The following NAA25 variants were observed in gnomAD, a reference collection of about 807,000 sequenced individuals.
The protein encoded by NAA25 is N-terminal acetyltransferase B complex subunit NAA25.
Under a neutral mutation model 132.5 loss-of-function variants are expected in NAA25, and 30 were observed. The ratio of observed to expected loss-of-function variants is 0.23; its 90% CI spans 0.17 to 0.31. The LOEUF is 0.31. NAA25 is among the 10% of genes least tolerant of loss of function. The pLI is 1.00. For synonymous variants in NAA25, 359 were observed against 401.9 expected, an observed-to-expected ratio of 0.89 and a Z score of 1.28; for missense variants, 771 against 1,150.4, an observed-to-expected ratio of 0.67 and a Z score of 4.77.
In NAA25 at chr12:112,029,219, C is replaced by T. The variant is rs2078118701; in HGVS notation, c.*312G>A. 4.1e-5 allele frequency: 12 copies of T among 292,598 alleles called. No individual in the cohort carries two copies. Among genetic ancestry groups the T allele is most frequent in the Middle Eastern group, 1.1e-3 (1 of 910 alleles). The allele number at this position is 292,598 out of a possible 1,614,324, so 18.1% of individuals were successfully genotyped here. The stretch of plus-strand genomic sequence containing the variant: ...TAATTTCTATTGCTGTTTTTATAGA[C>T]CCCCCGCTCCCCTGAAAAGATGTTT... On this transcript the variant is annotated 3_prime_UTR_variant, in exon 24 of 24. Transcript: ENST00000261745.
intron 3 of NAA25, among the ~76,000 whole-genome samples, chr12:112,088,453 A>G (rs1221896291): frequency 6.6e-6 from 1 of 150,592 alleles, no homozygotes; most frequent in African/African-American, 2.4e-5. Flanking sequence ...CAGCCTCCCA[A>G]GTAGCTGTTC....
intron 13 of NAA25, among the ~76,000 whole-genome samples, chr12:112,055,833 G>C (rs1404832977): frequency 6.6e-6 from 1 of 152,164 alleles, no homozygotes; most frequent in Non-Finnish European, 1.5e-5. Context: ...TTTACAGTCA[G>C]TAACAACAGC....
In NAA25 at chr12:112,090,880, G is replaced by A; in HGVS notation, c.145-16C>T. 6.3e-7 allele frequency: 1 copy of A among 1,581,058 alleles called. No individual in the cohort carries two copies. Among genetic ancestry groups the A allele is most frequent in the Admixed American group, 2.0e-5 (1 of 50,456 alleles). ...CCTTTAAAACCTGATAGCAACAAAA[G>A]AAAAATCAGTTTTTAAAAAGACAGA... On this transcript the variant is annotated splice_polypyrimidine_tract_variant and intron_variant, in intron 2 of 23. Coordinates refer to ENST00000261745, the MANE Select transcript of NAA25 (RefSeq NM_024953.4).
At chr12:112,071,646 T>C (rs1419643542) in intron 10 of NAA25, among the ~76,000 whole-genome samples, 1 of 152,154 alleles carries the variant, frequency 6.6e-6, no homozygotes, top group Non-Finnish European at 1.5e-5. Context: ...TTGACTTTAT[T>C]GTTGGGTCAG....
intron 11 of NAA25, among the ~76,000 whole-genome samples, chr12:112,063,597 G>A (rs1292072909): frequency 6.6e-6 from 1 of 152,202 alleles, no homozygotes; most frequent in Non-Finnish European, 1.5e-5. Flanking sequence ...GGAATGGAAA[G>A]CATTTCTTAC....
chr12:112,027,455 T>G lies in NAA25; in HGVS notation c.*2076A>C. On this transcript the variant is annotated 3_prime_UTR_variant, in exon 24 of 24. Transcript: ENST00000261745. Reference sequence around the variant, plus strand: ...CTCAAAATGTGAAAGCTGGATCTAATTGAAATGCTACATTTAGTAGGAAAA... The same window carrying G: ...CTCAAAATGTGAAAGCTGGATCTAAGTGAAATGCTACATTTAGTAGGAAAA... 6.5e-6 allele frequency: 1 copy of G among 152,718 alleles called. No individual in the cohort carries two copies. 9.5% of individuals were successfully genotyped at this position (152,718 alleles called of 1,614,324 possible).
At chr12:112,066,262 A>G (rs2078716787) in intron 11 of NAA25, among the ~76,000 whole-genome samples, 2 of 152,174 alleles carry the variant, frequency 1.3e-5, no homozygotes, top group Admixed American at 1.3e-4. Context: ...TGATGCTTCA[A>G]CTAGCAAGAC....
chr12:112,075,387 C>T (rs1186159550), intron 8 of NAA25, among the ~76,000 whole-genome samples: 1 of 152,142 alleles, frequency 6.6e-6, no homozygotes, highest in Non-Finnish European at 1.5e-5. Flanking sequence ...CAGGGTTTCG[C>T]CATGTTGGCC....
At position 112,054,464 on chromosome 12, in the gene NAA25, T is replaced by C; in HGVS notation, c.1552A>G (p.Met518Val). 6.2e-7 allele frequency: 1 copy of C among 1,614,146 alleles called. No individual in the cohort carries two copies. Among genetic ancestry groups the C allele is most frequent in the Non-Finnish European group, 8.5e-7 (1 of 1,180,000 alleles). ...FKLLLVRIYC[M>V]LGAFEPVVDL... Reference sequence around the variant, plus strand: ...ACCACTGGTTCAAATGCACCCAGCATACAGTAGATTCGAACAAGCAGCAAT... The same window carrying C: ...ACCACTGGTTCAAATGCACCCAGCACACAGTAGATTCGAACAAGCAGCAAT... The change falls in exon 14 of 24, where the codon ATG (methionine) becomes GTG (valine). Residue 518 changes from methionine (M) to valine (V), a missense_variant. This residue lies in a region of NAA25 where 417 missense variants were observed against 733.8 expected (regional missense o/e 0.57). Coordinates refer to ENST00000261745, the MANE Select transcript of NAA25 (RefSeq NM_024953.4).
At chr12:112,031,499 A>G (rs1417674383) in intron 23 of NAA25, among the ~76,000 whole-genome samples, 1 of 152,212 alleles carries the variant, frequency 6.6e-6, no homozygotes, top group Non-Finnish European at 1.5e-5. Flanking sequence ...ATTGAAGCCT[A>G]GAGAGGTTAG....
chr12:112,059,243 G>A (rs1348358260), intron 13 of NAA25, among the ~76,000 whole-genome samples: 1 of 151,904 alleles, frequency 6.6e-6, no homozygotes, highest in Non-Finnish European at 1.5e-5. Flanking sequence ...CTGCACTCGA[G>A]CCTGGGCAAC....
intron 13 of NAA25, among the ~76,000 whole-genome samples, chr12:112,058,694 C>A (rs1213099046): frequency 6.6e-6 from 1 of 152,046 alleles, no homozygotes. Flanking sequence ...GAGGCCGCGG[C>A]GGGTGGATCA....
chr12:112,060,403 T>G, intron 12 of NAA25, 44 bp from the exon 13 acceptor site: 1 of 1,344,018 alleles, frequency 7.4e-7, no homozygotes, highest in South Asian at 1.2e-5. Flanking sequence ...TTTGTTCAAC[T>G]ATTACTGACC....
At chr12:112,074,002 A>G (rs2078855929) in intron 9 of NAA25, among the ~76,000 whole-genome samples, 1 of 152,136 alleles carries the variant, frequency 6.6e-6, no homozygotes, top group Admixed American at 6.6e-5. Flanking sequence ...ACAGGTTGCA[A>G]ATCGTGTCTA....
At chr12:112,070,788 C>A (rs922433517) in intron 10 of NAA25, among the ~76,000 whole-genome samples, 1 of 152,118 alleles carries the variant, frequency 6.6e-6, no homozygotes. Flanking sequence ...ACTCTGTCAC[C>A]CAGGCTAGAG....
intron 10 of NAA25, among the ~76,000 whole-genome samples, chr12:112,069,843 C>T (rs2136881449): frequency 7.6e-6 from 1 of 131,166 alleles, no homozygotes; most frequent in East Asian, 2.3e-4. Flanking sequence ...AAACTGTAAG[C>T]TAGGCCGGGT....
intron 2 of NAA25, among the ~76,000 whole-genome samples, chr12:112,092,311 T>G (rs576714348): frequency 6.6e-6 from 1 of 150,464 alleles, no homozygotes; most frequent in East Asian, 2.0e-4. Context: ...ATAACTGACC[T>G]ATAAAGTACC....
intron 15 of NAA25, among the ~76,000 whole-genome samples, chr12:112,048,970 G>A (rs1437197495): frequency 2.0e-5 from 3 of 150,800 alleles, no homozygotes; most frequent in African/African-American, 7.3e-5. Flanking sequence ...CAGGGCATAT[G>A]AGCATTACGT....
chr12:112,105,507 T>C (rs1311647971), intron 1 of NAA25, among the ~76,000 whole-genome samples: 2 of 152,198 alleles, frequency 1.3e-5, no homozygotes, highest in African/African-American at 4.8e-5. Flanking sequence ...TGAGATGCAC[T>C]GGGAAGATGT....
Sources: gnomAD v4.1 joint callset for allele counts (sites outside exome capture counted in the v4.1 genomes callset) on GRCh38, gnomAD v4.1.1 for gene constraint, gnomAD v4.1.1 regional missense constraint, MANE v1.5 for transcripts, NCBI Gene and HGNC (gene_info 2026-07-23, HGNC 2026-07-21) for gene names.